CEP112: variants seen among roughly 807,000 people sequenced by gnomAD.
CEP112 encodes centrosomal protein of 112 kDa.
In CEP112, 127 loss-of-function variants were observed where a neutral mutation model predicts 153.0. The ratio of observed to expected loss-of-function variants is 0.83; its 90% CI spans 0.72 to 0.96. The LOEUF (loss-of-function observed/expected upper bound fraction) is 0.96, where lower values mean the gene tolerates loss of function less well. CEP112 is among the 40% of genes least tolerant of loss of function. The pLI is 0.00. For missense variants in CEP112, 1,089 were observed against 1,101.2 expected (o/e 0.99, Z 0.16); for synonymous variants, 358 against 374.4 (o/e 0.96, Z 0.51).
At chr17:65,988,368 T>G (rs2063478693) in intron 17 of CEP112, among the ~76,000 whole-genome samples, 1 of 152,114 alleles carries the variant, frequency 6.6e-6, no homozygotes, top group African/African-American at 2.4e-5. Context: ...AAGACACAGA[T>G]GAACATCCTC....
chr17:65,785,270 T>A lies in CEP112; in HGVS notation c.2395-34546A>T, dbSNP rs143369732. Reference sequence around the variant, plus strand: ...ACTTTTTGACTACTATGAATAATGCTTCTGTAAACATTCTTGTACAAGTTT... The same window carrying A: ...ACTTTTTGACTACTATGAATAATGCATCTGTAAACATTCTTGTACAAGTTT... On this transcript the variant is annotated intron_variant, in intron 21 of 26. Coordinates refer to ENST00000535342, the MANE Select transcript of CEP112 (RefSeq NM_001199165.4). Among the ~76,000 whole-genome samples the A allele has an allele frequency of 4.8e-4, 73 of 152,366 alleles. 1 individual carries two copies. The East Asian group carries it at 0.01, about 22-fold the overall frequency.
At chr17:66,022,636 G>A (rs1434706948) in intron 16 of CEP112, among the ~76,000 whole-genome samples, 1 of 151,012 alleles carries the variant, frequency 6.6e-6, no homozygotes, top group Non-Finnish European at 1.5e-5. Flanking sequence ...ATGAACCTGG[G>A]AGGCAGAGCT....
rs570568886 is a variant in CEP112 at position 66,149,210 on chromosome 17, T to A, written c.471-16447A>T. 4.6e-5 allele frequency among the ~76,000 whole-genome samples: 7 copies of A among 152,340 alleles called. No individual in the cohort carries two copies. In the East Asian group the frequency reaches 1.4e-3, roughly 29 times the overall value. ...CTCATTTGGTCATGATGTGTAAACCTTTAATGTGCTGTTGAATTCAGTTTA... is the reference window on the plus strand; with the variant it reads ...CTCATTTGGTCATGATGTGTAAACCATTAATGTGCTGTTGAATTCAGTTTA... On this transcript the variant is annotated intron_variant, in intron 4 of 26. Coordinates refer to ENST00000535342, the MANE Select transcript of CEP112 (RefSeq NM_001199165.4).
chr17:66,011,876 G>C (rs1431844616), intron 16 of CEP112, among the ~76,000 whole-genome samples: 2 of 152,190 alleles, frequency 1.3e-5, no homozygotes, highest in African/African-American at 4.8e-5. Context: ...AGGTCTCTAA[G>C]AATTTGCTTT....
chr17:65,664,485 A>C (rs1489436113), intron 24 of CEP112, among the ~76,000 whole-genome samples: 2 of 152,222 alleles, frequency 1.3e-5, no homozygotes, highest in African/African-American at 2.4e-5. Context: ...TATTTTAGGA[A>C]GATTGCCCAG....
intron 11 of CEP112, among the ~76,000 whole-genome samples, chr17:66,062,358 T>C (rs78628108): frequency 2.6e-5 from 4 of 151,208 alleles, no homozygotes; most frequent in African/African-American, 7.4e-5. Flanking sequence ...TTATAGTTTA[T>C]AATAATGTAT....
At chr17:65,883,263 C>CATATATATATATATATAT (rs34264279) in intron 20 of CEP112, among the ~76,000 whole-genome samples, 1 of 146,822 alleles carries the variant, frequency 6.8e-6, no homozygotes, top group African/African-American at 2.5e-5. Context: ...AAGAAGTTTA[C>CATATATATATATATATAT]ATATATATAT....
At chr17:66,129,650 C>T (rs2070034156) in intron 6 of CEP112, 96 bp downstream of exon 6, 20 of 847,904 alleles carry the variant, frequency 2.4e-5, no homozygotes, top group East Asian at 1.3e-4. Context: ...TAACATCCAA[C>T]GTTCACTGAA....
intron 6 of CEP112, among the ~76,000 whole-genome samples, chr17:66,111,249 C>G (rs566935436): frequency 6.6e-6 from 1 of 152,298 alleles, no homozygotes; most frequent in African/African-American, 2.4e-5. Flanking sequence ...CACTTATACG[C>G]TGTTGATAGG....
chr17:65,954,592 A>G (rs992688234), intron 18 of CEP112, among the ~76,000 whole-genome samples: 2 of 152,146 alleles, frequency 1.3e-5, no homozygotes. Context: ...GTGAGGTTCA[A>G]CATAAAGAAA....
intron 21 of CEP112, among the ~76,000 whole-genome samples, chr17:65,794,406 C>T (rs2054782200): frequency 6.6e-6 from 1 of 152,028 alleles, no homozygotes; most frequent in African/African-American, 2.4e-5. Flanking sequence ...GCTGCTTTCT[C>T]CTTCTTTCCT....
At chr17:65,910,335 A>T (rs538568930) in intron 19 of CEP112, among the ~76,000 whole-genome samples, 1 of 152,306 alleles carries the variant, frequency 6.6e-6, no homozygotes, top group African/African-American at 2.4e-5. Flanking sequence ...AGTCCATTTA[A>T]CAGATTTGGA....
intron 9 of CEP112, among the ~76,000 whole-genome samples, chr17:66,068,651 C>T (rs1175578742): frequency 1.3e-5 from 2 of 152,092 alleles, no homozygotes; most frequent in East Asian, 3.8e-4. Flanking sequence ...GTTGCACTGT[C>T]TGCTGCAAAT....
intron 4 of CEP112, among the ~76,000 whole-genome samples, chr17:66,138,608 C>T (rs147115486): frequency 6.5e-4 from 99 of 151,950 alleles, no homozygotes; most frequent in African/African-American, 2.1e-3. Context: ...TTAATGCAAT[C>T]GAAGTTATCA....
intron 16 of CEP112, among the ~76,000 whole-genome samples, chr17:66,018,931 G>A (rs576196126): frequency 7.9e-5 from 12 of 152,268 alleles, no homozygotes; most frequent in Admixed American, 7.8e-4. Context: ...GTTATCTGTA[G>A]GGGGCAGGTG....
At chr17:65,939,498 A>G (rs2061445199) in intron 18 of CEP112, among the ~76,000 whole-genome samples, 1 of 152,216 alleles carries the variant, frequency 6.6e-6, no homozygotes, top group South Asian at 2.1e-4. Context: ...AAATATAATA[A>G]AAAACTACAT....
intron 18 of CEP112, among the ~76,000 whole-genome samples, chr17:65,937,513 C>T (rs1364424997): frequency 2.2e-5 from 3 of 137,888 alleles, no homozygotes; most frequent in Admixed American, 8.3e-5. Flanking sequence ...ACCGCCCCGT[C>T]TGAGAAGTGA....
rs138523872 is a variant in CEP112, at chr17:66,130,110, T to C, written c.565-287A>G. Reference sequence around the variant, plus strand: ...TTTGTGTGCTTGTCTGGTAATGCTGTATTGCCCTCAGAGGAAAGGATTAGG... The same window carrying C: ...TTTGTGTGCTTGTCTGGTAATGCTGCATTGCCCTCAGAGGAAAGGATTAGG... On this transcript the variant is annotated intron_variant, in intron 5 of 26. Transcript: ENST00000535342. Among the ~76,000 whole-genome samples the C allele has an allele frequency of 6.1e-3, 922 of 152,218 alleles. 12 individuals are homozygous for C. The highest frequency in any genetic ancestry group is 0.022 in the African/African-American group (894 of 41,516).
chr17:65,649,073 A>AC lies in CEP112; in HGVS notation c.2698-8009_2698-8008insG, dbSNP rs2045597016. Among the ~76,000 whole-genome samples, 87 of 139,970 alleles carry AC rather than the reference A, an allele frequency of 6.2e-4. 1 individual carries two copies. Among genetic ancestry groups the AC allele is most frequent in the Admixed American group, 2.2e-3 (32 of 14,250 alleles). The allele number at this position is 139,970 out of a possible 152,430, so 91.8% of individuals were successfully genotyped here. On this transcript the variant is annotated intron_variant, in intron 24 of 26. Transcript: ENST00000535342. ...CTCAAAACAAACAAACAAACAAACA[A>AC]ACACACACACACACACACACACACA... is the stretch of plus-strand genomic sequence containing the variant.
Sources: allele counts gnomAD v4.1 joint callset (sites outside exome capture counted in the v4.1 genomes callset), GRCh38; gene constraint gnomAD v4.1.1; transcripts MANE v1.5; gene names NCBI Gene and HGNC (gene_info 2026-07-23, HGNC 2026-07-21).